Variants in TMC5 observed in about 807,000 individuals in gnomAD.
The protein encoded by TMC5 is transmembrane channel-like protein 5.
A neutral mutation model predicts 110.5 loss-of-function variants in TMC5; 86 were observed. The observed-to-expected ratio is 0.78, with a 90% CI of 0.65 to 0.93. The LOEUF is 0.93. TMC5 is among the 40% of genes least tolerant of loss of function. The probability of loss-of-function intolerance (pLI) is 0.00; values close to 1 mark genes in which losing one functional copy is unlikely to be tolerated. For synonymous variants in TMC5, 455 were observed against 439.5 expected (o/e 1.04, Z -0.44); for missense variants, 1,144 against 1,222.8 (o/e 0.94, Z 0.96).
At position 19,490,455 on chromosome 16, in the gene TMC5, C is replaced by T. The variant is rs779417867; in HGVS notation, c.2634C>T (p.Ile878=). 6.2e-7 allele frequency: 1 copy of T among 1,614,170 alleles called. No individual in the cohort carries two copies. The highest frequency in any genetic ancestry group is 2.2e-5 in the East Asian group (1 of 44,876). ...GTCTGCCTCTCTTCATTCACTCCAT[C>T]TACAGCTGGATCGACACCCTAAGTA... is the stretch of plus-strand genomic sequence containing the variant. ...FRGLPLFIHS[I]YSWIDTLSTR... is the part of the protein sequence containing the mutation. The change falls in exon 18 of 22, where the codon ATC becomes ATT. Residue 878 remains isoleucine, a synonymous_variant. Transcript: ENST00000542583.
At chr16:19,490,625 A>G (rs1161822114) in intron 18 of TMC5, 57 bp downstream of exon 18, 2 of 1,576,132 alleles carry the variant, frequency 1.3e-6, no homozygotes, top group East Asian at 4.5e-5. Flanking sequence ...CGAGGGAAAC[A>G]GCAGTAGGGA....
chr16:19,431,201 A>G (rs557530049), intron 2 of TMC5, among the ~76,000 whole-genome samples: 40 of 152,226 alleles, frequency 2.6e-4, no homozygotes, highest in African/African-American at 8.4e-4. Flanking sequence ...ATTTATGTTA[A>G]GAGGTTAATC....
intron 14 of TMC5, among the ~76,000 whole-genome samples, chr16:19,480,804 CAA>C (rs34237812): frequency 0.21 from 15,982 of 74,750 alleles, 892 homozygotes; most frequent in African/African-American, 0.29. Context: ...GACTCCATCT[CAA>C]AAAAAAAAAA....
At chr16:19,496,887 C>CAAA (rs67040638) in intron 20 of TMC5, among the ~76,000 whole-genome samples, 3 of 80,244 alleles carry the variant, frequency 3.7e-5, no homozygotes, top group African/African-American at 1.0e-4. Context: ...AAGACTCTGT[C>CAAA]AAAAAAAAAA....
chr16:19,431,377 C>T (rs1443673842), intron 2 of TMC5, among the ~76,000 whole-genome samples: 1 of 151,920 alleles, frequency 6.6e-6, no homozygotes, highest in Non-Finnish European at 1.5e-5. Flanking sequence ...CCCGTCTCTA[C>T]TAAAAATACA....
intron 2 of TMC5, among the ~76,000 whole-genome samples, chr16:19,438,625 T>TA (rs1967411119): frequency 1.3e-5 from 2 of 151,992 alleles, no homozygotes; most frequent in South Asian, 4.2e-4. Context: ...TGCACGCCTG[T>TA]AATCCCAGCT....
At chr16:19,421,077 C>T (rs1401517857) in intron 1 of TMC5, among the ~76,000 whole-genome samples, 6 of 152,104 alleles carry the variant, frequency 3.9e-5, no homozygotes, top group Admixed American at 6.5e-5. Context: ...GACTCATGGA[C>T]ACCTGGATCG....
chr16:19,439,670 G>A (rs778066717), intron 2 of TMC5, among the ~76,000 whole-genome samples: 8 of 152,116 alleles, frequency 5.3e-5, no homozygotes, highest in South Asian at 2.1e-4. Context: ...ATGGTGCACC[G>A]TCATTTCCGC....
At chr16:19,446,571 G>A (rs778065763) in intron 4 of TMC5, among the ~76,000 whole-genome samples, 28 of 152,208 alleles carry the variant, frequency 1.8e-4, no homozygotes, top group Non-Finnish European at 3.2e-4. Flanking sequence ...GGCAGGCACT[G>A]CCACTCTCCC....
At chr16:19,427,046 CAAGCT>C (rs1246512511) in intron 1 of TMC5, among the ~76,000 whole-genome samples, 1 of 147,900 alleles carries the variant, frequency 6.8e-6, no homozygotes, top group African/African-American at 2.4e-5. Context: ...CACACTGGGA[CAAGCT>C]GGTCACCTGA....
Position 19,486,932 on chromosome 16 carries a change from C to G in TMC5, c.2364-13C>G, listed in dbSNP as rs1190887027. 6.8e-6 allele frequency: 11 copies of G among 1,613,076 alleles called. No homozygotes were observed. The highest frequency in any genetic ancestry group is 1.7e-5 in the Admixed American group (1 of 60,008). On this transcript the variant is annotated splice_polypyrimidine_tract_variant and intron_variant, in intron 15 of 21. Coordinates refer to ENST00000542583, the MANE Select transcript of TMC5 (RefSeq NM_001261841.2). Reference sequence around the variant, plus strand: ...TCCGCCAGCCTCTGACACTCACCCTCTCTCCCTCACAGGATTGGCATCTTC... The same window carrying G: ...TCCGCCAGCCTCTGACACTCACCCTGTCTCCCTCACAGGATTGGCATCTTC...
intron 1 of TMC5, among the ~76,000 whole-genome samples, chr16:19,423,410 G>A (rs1167068229): frequency 6.6e-6 from 1 of 152,174 alleles, no homozygotes; most frequent in Non-Finnish European, 1.5e-5. Flanking sequence ...CAATGATGAT[G>A]TACTTACAGT....
intron 5 of TMC5, among the ~76,000 whole-genome samples, chr16:19,458,816 C>A (rs1026522078): frequency 6.6e-6 from 1 of 152,154 alleles, no homozygotes; most frequent in African/African-American, 2.4e-5. Context: ...TCCCCTTACA[C>A]CTCAAGTATG....
intron 18 of TMC5, 143 bp downstream of exon 18, chr16:19,490,711 TTTCCTTCCTTCCTTCC>T (rs150837460): frequency 0.04 from 15,452 of 389,496 alleles, 2,712 homozygotes; most frequent in Non-Finnish European, 0.051. Context: ...GGTAGTTTTC[TTTCCTTCCTTCCTTCC>T]TTCCTTCCTT....
chr16:19,463,602 A>T (rs1320170926), intron 7 of TMC5, among the ~76,000 whole-genome samples, 174 bp from the exon 8 acceptor site: 1 of 152,232 alleles, frequency 6.6e-6, no homozygotes, highest in Non-Finnish European at 1.5e-5. Flanking sequence ...AAACCTGGGA[A>T]GGTCATAATA....
At chr16:19,484,180 A>G (rs1025053125) in intron 15 of TMC5, among the ~76,000 whole-genome samples, 2 of 152,152 alleles carry the variant, frequency 1.3e-5, no homozygotes, top group African/African-American at 4.8e-5. Context: ...ATGTCATACA[A>G]CGGGAAAGTT....
At chr16:19,435,464 T>C (rs1967323173) in intron 2 of TMC5, among the ~76,000 whole-genome samples, 1 of 151,826 alleles carries the variant, frequency 6.6e-6, no homozygotes, top group African/African-American at 2.4e-5. Context: ...ATCACGCCAC[T>C]GGACTCCAGC....
chr16:19,422,147 C>T (rs1966997534), intron 1 of TMC5, among the ~76,000 whole-genome samples: 1 of 151,878 alleles, frequency 6.6e-6, no homozygotes, highest in South Asian at 2.1e-4. Context: ...AGGAGAATTG[C>T]TTGAACCTGG....
chr16:19,427,514 T>G (rs1041254622), intron 1 of TMC5, among the ~76,000 whole-genome samples: 2 of 152,156 alleles, frequency 1.3e-5, no homozygotes, highest in African/African-American at 2.4e-5. Flanking sequence ...TGGCCATATT[T>G]GAAGTGTTCC....
Sources: gnomAD v4.1 joint callset for allele counts (sites outside exome capture counted in the v4.1 genomes callset) on GRCh38, gnomAD v4.1.1 for gene constraint, MANE v1.5 for transcripts, NCBI Gene and HGNC (gene_info 2026-07-23, HGNC 2026-07-21) for gene names.